Variants in TRIM39 observed in about 807,000 individuals in gnomAD.
TRIM39 encodes E3 ubiquitin-protein ligase TRIM39.
In TRIM39, 5 loss-of-function variants were observed where a neutral mutation model predicts 53.6. That is an observed-to-expected ratio of 0.09 (90% CI 0.05 to 0.20). The LOEUF (loss-of-function observed/expected upper bound fraction) is 0.20, where lower values mean the gene tolerates loss of function less well. TRIM39 is among the 10% of genes least tolerant of loss of function. TRIM39 has a pLI of 1.00. For missense variants in TRIM39, 310 were observed against 621.0 expected, an observed-to-expected ratio of 0.50 and a Z score of 5.32; for synonymous variants, 196 against 237.6, an observed-to-expected ratio of 0.82 and a Z score of 1.61.
chr6:30,330,820 C>G, exon 4 of TRIM39: 1 of 1,614,206 alleles, frequency 6.2e-7, no homozygotes, highest in South Asian at 1.1e-5. Flanking sequence ...GGAACAGAAG[C>G]TGCAGGAGAT....
At chr6:30,329,476 C>T in exon 3 of TRIM39, 1 of 1,613,086 alleles carries the variant, frequency 6.2e-7, no homozygotes, top group Non-Finnish European at 8.5e-7. Context: ...AAGCTTGCAT[C>T]ACCCGCTGGT....
Position 30,335,280 on chromosome 6 carries a change from TTTTC to T in TRIM39, c.550-453_550-450del, listed in dbSNP as rs542149448. Reference sequence around the variant, plus strand: ...TGTTCTGTTAAACCATTTTCTCTCATTTTCTTTCTTTCTTTTCTTTCTGTCTTTG... The same window carrying T: ...TGTTCTGTTAAACCATTTTCTCTCATTTTCTTTCTTTTCTTTCTGTCTTTG... On this transcript the variant is annotated intron_variant, in intron 4 of 7. Transcript: ENST00000396551. This position sits in a 1 kb window ranked among gnomAD's most constrained non-coding sequence, Gnocchi z 4.7. Among the ~76,000 whole-genome samples the T allele has an allele frequency of 1.5e-4, 23 of 151,970 alleles. No homozygotes were observed. In the South Asian group the frequency reaches 2.9e-3, roughly 19 times the overall value.
intron 4 of TRIM39, among the ~76,000 whole-genome samples, chr6:30,333,066 A>G (rs1786387731): frequency 6.6e-6 from 1 of 152,170 alleles, no homozygotes; most frequent in Non-Finnish European, 1.5e-5. Flanking sequence ...GTAGCTGGTT[A>G]TATGCTTGCC....
chr6:30,336,566 C>T (rs1449926783), intron 5 of TRIM39, among the ~76,000 whole-genome samples: 1 of 152,052 alleles, frequency 6.6e-6, no homozygotes, highest in South Asian at 2.1e-4. Context: ...TAAAATAAGA[C>T]AACGACGAAG....
exon 3 of TRIM39, chr6:30,329,360 T>G: frequency 6.2e-7 from 1 of 1,613,042 alleles, no homozygotes; most frequent in African/African-American, 1.3e-5. Context: ...CTCTGCAGCC[T>G]CTACAGCTGC....
exon 1 of TRIM39, chr6:30,326,527 C>T (rs956798069): frequency 6.6e-6 from 1 of 152,626 alleles, no homozygotes; most frequent in African/African-American, 2.4e-5. Context: ...GCCCCGCCCT[C>T]TTCGTCGACT....
chr6:30,340,029 T>C (rs2127410226), intron 6 of TRIM39, 99 bp downstream of exon 6: 1 of 1,575,214 alleles, frequency 6.3e-7, no homozygotes, highest in Non-Finnish European at 8.7e-7. Context: ...GGGAAAGTCA[T>C]GTAGTGTGTC....
In TRIM39 at chr6:30,339,583, T is replaced by A. The variant is rs763759041; in HGVS notation, c.781-325T>A. ...GGAGAGTGAGATATGTGGTTGGTACTTGGGGGACAGAGTAAAGAATTGATA... is the reference window on the plus strand; with the variant it reads ...GGAGAGTGAGATATGTGGTTGGTACATGGGGGACAGAGTAAAGAATTGATA... On this transcript the variant is annotated intron_variant, in intron 5 of 7. Coordinates refer to ENST00000396551, the Ensembl canonical transcript of TRIM39. The surrounding 1 kb of genome is among the most constrained non-coding windows in gnomAD (Gnocchi z 4.2). Among the ~76,000 whole-genome samples, 1 of 152,238 alleles carries A rather than the reference T, an allele frequency of 6.6e-6. No homozygotes were observed. The highest frequency in any genetic ancestry group is 6.5e-5 in the Admixed American group (1 of 15,292).
At chr6:30,341,275 T>A in intron 7 of TRIM39, 2 of 388,754 alleles carry the variant, frequency 5.1e-6, no homozygotes, top group Non-Finnish European at 1.0e-5. Flanking sequence ...GCAGGGAAAA[T>A]AGTCATAAAC....
chr6:30,340,951 T>C (rs555462041), intron 7 of TRIM39, among the ~76,000 whole-genome samples: 17 of 152,312 alleles, frequency 1.1e-4, no homozygotes, highest in African/African-American at 4.1e-4. Context: ...CTCACATCTG[T>C]AATCCTAGCA....
chr6:30,329,299 C>G lies in TRIM39; in HGVS notation c.-7-12C>G, dbSNP rs940826375. The G allele has an allele frequency of 6.9e-6, 11 of 1,599,010 alleles. No homozygotes were observed. The highest frequency in any genetic ancestry group is 8.5e-6 in the Non-Finnish European group (10 of 1,172,558). On this transcript the variant is annotated splice_polypyrimidine_tract_variant and intron_variant, in intron 2 of 7. Coordinates refer to ENST00000396551, the Ensembl canonical transcript of TRIM39. ...TATTTTTATTTTCTCTGTCCTCTTC[C>G]CCACTCCCAAGTTAAATTATGGCAG...
chr6:30,333,347 T>G (rs1184030322), intron 4 of TRIM39, among the ~76,000 whole-genome samples: 2 of 149,728 alleles, frequency 1.3e-5, no homozygotes, highest in South Asian at 2.1e-4. Flanking sequence ...TGTTTTTGTT[T>G]TTGTGGTTTT....
chr6:30,330,913 G>C (rs1426797790), intron 4 of TRIM39, 37 bp downstream of exon 4: 1 of 1,605,382 alleles, frequency 6.2e-7, no homozygotes, highest in East Asian at 2.2e-5. Flanking sequence ...TGCTCTGAAG[G>C]GTATTTGCCT....
intron 4 of TRIM39, among the ~76,000 whole-genome samples, chr6:30,334,323 A>G (rs913867067): frequency 1.3e-5 from 2 of 151,924 alleles, no homozygotes; most frequent in African/African-American, 4.8e-5. Context: ...TAGGGAGATC[A>G]CTATTTGTTG....
rs1787284861 is a variant in TRIM39, at chr6:30,339,851, C to T, written c.781-57C>T. ...TTTGGGGAGGAGGGGGAACCTTTTG[C>T]CTTCAGGACCACTGAATACCAGGAC... On this transcript the variant is annotated intron_variant, in intron 5 of 7. Coordinates refer to ENST00000396551, the Ensembl canonical transcript of TRIM39. This position sits in a 1 kb window ranked among gnomAD's most constrained non-coding sequence, Gnocchi z 4.2. 3 of 1,612,102 alleles carry T rather than the reference C, an allele frequency of 1.9e-6. No individual in the cohort carries two copies. The highest frequency in any genetic ancestry group is 1.3e-5 in the African/African-American group (1 of 74,880).
intron 1 of TRIM39, chr6:30,327,360 C>G (rs1455589073): frequency 6.5e-6 from 1 of 154,350 alleles, no homozygotes; most frequent in African/African-American, 2.4e-5. Flanking sequence ...TTTCCTCTTT[C>G]CCCTCTCCAA....
chr6:30,336,846 A>G (rs551119768), intron 5 of TRIM39, among the ~76,000 whole-genome samples: 15 of 152,348 alleles, frequency 9.8e-5, no homozygotes, highest in Middle Eastern at 3.4e-3. Flanking sequence ...CTTACCAGAA[A>G]GCCTTCAATT....
In TRIM39 at chr6:30,339,966, T is replaced by A. The variant is rs568658122; in HGVS notation, c.803+36T>A. ...GTTGTATCTCTCTGAGTGAGTTAGG[T>A]CTTGGCTTAGAGAGGAGGGGTACAG... On this transcript the variant is annotated intron_variant, in intron 6 of 7. Transcript: ENST00000396551. The surrounding 1 kb of genome is among the most constrained non-coding windows in gnomAD (Gnocchi z 4.2). The A allele has an allele frequency of 4.3e-6, 7 of 1,614,020 alleles. No individual in the cohort carries two copies. In the Admixed American group the frequency reaches 8.3e-5, roughly 19 times the overall value.
At chr6:30,329,605 C>G in exon 3 of TRIM39, 1 of 1,613,094 alleles carries the variant, frequency 6.2e-7, no homozygotes, top group Non-Finnish European at 8.5e-7. Context: ...AGCTCCAGGC[C>G]GTCAAGCGGA....
Sources: allele counts gnomAD v4.1 joint callset (sites outside exome capture counted in the v4.1 genomes callset), GRCh38; gene constraint gnomAD v4.1.1; non-coding constraint Gnocchi (gnomAD v3.1); transcripts MANE v1.5; gene names NCBI Gene and HGNC (gene_info 2026-07-23, HGNC 2026-07-21).